Variants in ADCY1 observed in about 807,000 individuals in gnomAD.
ADCY1 encodes the protein adenylate cyclase type 1.
ADCY1 carries 28 observed loss-of-function variants against 105.4 expected under a neutral mutation model. The observed-to-expected ratio is 0.27, with a 90% confidence interval of 0.20 to 0.36. The LOEUF (loss-of-function observed/expected upper bound fraction) is 0.36, where lower values mean the gene tolerates loss of function less well. Ranked by LOEUF, ADCY1 falls within the 10% of genes least tolerant of loss-of-function variation. The probability of loss-of-function intolerance (pLI) is 1.00; values close to 1 mark genes in which losing one functional copy is unlikely to be tolerated. For synonymous variants in ADCY1, 655 were observed against 623.8 expected, an observed-to-expected ratio of 1.05 and a Z score of -0.75; for missense variants, 977 against 1,434.2, an observed-to-expected ratio of 0.68 and a Z score of 5.15.
chr7:45,696,335 A>G (rs1168048301), intron 14 of ADCY1, among the ~76,000 whole-genome samples: 1 of 150,300 alleles, frequency 6.7e-6, no homozygotes, highest in Non-Finnish European at 1.5e-5. Context: ...GCTCCTCGGG[A>G]AGCTGAGGCA....
rs899160456 is a variant in ADCY1, at chr7:45,657,586, G to T, written c.1149-141G>T. The stretch of plus-strand genomic sequence containing the variant: ...GCTCCATGTCCACTGACTATGCCAG[G>T]AGACCTCCACGCTCAGGCCACATGC... On this transcript the variant is annotated intron_variant, in intron 5 of 19. Transcript: ENST00000297323. 4 of 887,960 alleles carry T rather than the reference G, an allele frequency of 4.5e-6. No individual in the cohort carries two copies. The Admixed American group carries it at 7.7e-5, about 17-fold the overall frequency. 55.0% of individuals were successfully genotyped at this position (887,960 alleles called of 1,614,324 possible). A position where few individuals can be genotyped will look rare whatever the true frequency, so the allele number is the denominator to read the frequency against.
At chr7:45,594,320 C>T (rs1793012594) in intron 2 of ADCY1, among the ~76,000 whole-genome samples, 1 of 152,066 alleles carries the variant, frequency 6.6e-6, no homozygotes, top group Non-Finnish European at 1.5e-5. Flanking sequence ...TCTCTTAGAC[C>T]AGAGTCAGTC....
chr7:45,664,329 T>C, intron 8 of ADCY1: 2 of 1,536,172 alleles, frequency 1.3e-6, no homozygotes, highest in South Asian at 1.2e-5. Flanking sequence ...GATGTCCTCC[T>C]GGGGTTTTGG....
intron 14 of ADCY1, among the ~76,000 whole-genome samples, chr7:45,701,416 A>T (rs554383400): frequency 6.6e-6 from 1 of 152,342 alleles, no homozygotes; most frequent in East Asian, 1.9e-4. Context: ...ACAAATTTTT[A>T]AATCACAATG....
At position 45,592,921 on chromosome 7, in the gene ADCY1, G is replaced by A. The variant is rs113521192; in HGVS notation, c.789+13G>A. The A allele has an allele frequency of 1.2e-6, 2 of 1,614,130 alleles. No individual in the cohort carries two copies. On this transcript the variant is annotated intron_variant, in intron 2 of 19. Coordinates refer to ENST00000297323, the MANE Select transcript of ADCY1 (RefSeq NM_021116.4). ...GAACGAGAAGCAGGTCAGTGGCTTG[G>A]GCCAGTCAGCCTAGAGGGGTTGGCT...
At chr7:45,657,635 C>A (rs914951341) in intron 5 of ADCY1, 92 bp from the exon 6 acceptor site, 9 of 1,357,592 alleles carry the variant, frequency 6.6e-6, no homozygotes, top group Non-Finnish European at 9.1e-6. Context: ...CCCAGTTTCC[C>A]TGGTGCTCAC....
intron 1 of ADCY1, among the ~76,000 whole-genome samples, chr7:45,590,146 C>CG (rs982445675): frequency 6.6e-6 from 1 of 152,122 alleles, no homozygotes; most frequent in Admixed American, 6.5e-5. Flanking sequence ...CTAGCCCACA[C>CG]GGAACAGCTC....
chr7:45,597,471 G>A (rs1793108898), intron 2 of ADCY1, among the ~76,000 whole-genome samples: 1 of 152,204 alleles, frequency 6.6e-6, no homozygotes. Context: ...TGATGCCAGT[G>A]TTGGCTTTTA....
Position 45,686,680 on chromosome 7 carries a change from C to G in ADCY1, c.2454+7C>G. ...CTACCTCTGGGCCGCACAGGCAAGA[C>G]GAGCCCTTTCTGCTTTCTGGGGGTG... On this transcript the variant is annotated splice_region_variant and intron_variant, in intron 14 of 19. Transcript: ENST00000297323. This position sits in a 1 kb window ranked among gnomAD's most constrained non-coding sequence, Gnocchi z 4.3. 7 of 1,591,088 alleles carry G rather than the reference C, an allele frequency of 4.4e-6. No homozygotes were observed. Among genetic ancestry groups the G allele is most frequent in the Non-Finnish European group, 5.1e-6 (6 of 1,166,232 alleles).
chr7:45,646,760 G>A (rs1434105896), intron 4 of ADCY1, among the ~76,000 whole-genome samples: 1 of 152,220 alleles, frequency 6.6e-6, no homozygotes, highest in East Asian at 1.9e-4. Flanking sequence ...TTCTGCAGAT[G>A]AGGAGGCCAG....
intron 17 of ADCY1, among the ~76,000 whole-genome samples, chr7:45,706,270 G>A (rs1785114872): frequency 6.6e-6 from 1 of 152,118 alleles, no homozygotes; most frequent in African/African-American, 2.4e-5. Context: ...AAAGCTGGAG[G>A]ACTGACACTA....
chr7:45,656,359 A>G (rs1005277208), intron 5 of ADCY1, among the ~76,000 whole-genome samples: 1 of 152,218 alleles, frequency 6.6e-6, no homozygotes, highest in African/African-American at 2.4e-5. Flanking sequence ...TTAAAGATAT[A>G]TCAGTAGTCT....
intron 6 of ADCY1, among the ~76,000 whole-genome samples, chr7:45,658,489 C>T (rs1794999813): frequency 6.6e-6 from 1 of 152,186 alleles, no homozygotes; most frequent in Admixed American, 6.5e-5. Flanking sequence ...TATGATCTCG[C>T]AGTGGCTATC....
intron 8 of ADCY1, among the ~76,000 whole-genome samples, chr7:45,669,341 G>A (rs901574173): frequency 2.0e-5 from 3 of 152,036 alleles, no homozygotes; most frequent in East Asian, 1.9e-4. Context: ...CTTTGTTCTC[G>A]TTGGTTTCAA....
At chr7:45,692,846 T>TA (rs199824830) in intron 14 of ADCY1, among the ~76,000 whole-genome samples, 2,123 of 150,282 alleles carry the variant, frequency 0.014, 37 homozygotes, top group African/African-American at 0.048. Flanking sequence ...TATTTCAAAA[T>TA]AAAAAAAAAT....
At position 45,657,778 on chromosome 7, in the gene ADCY1, C is replaced by T. The variant is rs369432043; in HGVS notation, c.1200C>T (p.His400=). 7.8e-5 allele frequency: 126 copies of T among 1,613,984 alleles called. 2 individuals carry two copies. The highest frequency in any genetic ancestry group is 6.4e-4 in the South Asian group (58 of 91,030). The change falls in exon 6 of 20, where the codon CAC becomes CAT. Residue 400 remains histidine (H), a synonymous_variant. Coordinates refer to ENST00000297323, the MANE Select transcript of ADCY1 (RefSeq NM_021116.4). ...EVDLNMRVGL[H]TGRVLCGVLG... ...ATCTGAACATGCGTGTGGGTCTGCA[C>T]ACGGGCAGGGTCCTCTGTGGTGTCC...
chr7:45,616,958 G>A (rs975569189), intron 3 of ADCY1, among the ~76,000 whole-genome samples: 3 of 152,206 alleles, frequency 2.0e-5, no homozygotes, highest in Admixed American at 6.5e-5. Context: ...GGAGATCCAG[G>A]TGATGGTAGG....
At chr7:45,664,205 T>C in intron 8 of ADCY1, 1 of 1,269,984 alleles carries the variant, frequency 7.9e-7, no homozygotes, top group Non-Finnish European at 1.1e-6. Flanking sequence ...CCGTTGGGCC[T>C]AGGAGAAGTT....
At chr7:45,633,817 A>G (rs1170853761) in intron 4 of ADCY1, among the ~76,000 whole-genome samples, 1 of 151,992 alleles carries the variant, frequency 6.6e-6, no homozygotes, top group Non-Finnish European at 1.5e-5. Context: ...AAAAAAAAAA[A>G]AAAGTAATAG....
Sources: allele counts gnomAD v4.1 joint callset (sites outside exome capture counted in the v4.1 genomes callset), GRCh38; gene constraint gnomAD v4.1.1; non-coding constraint Gnocchi (gnomAD v3.1); transcripts MANE v1.5; gene names NCBI Gene and HGNC (gene_info 2026-07-23, HGNC 2026-07-21).